Variants in MED12L observed in about 807,000 individuals in gnomAD.
MED12L encodes mediator complex subunit 12L, also known as mediator of RNA polymerase II transcription subunit 12-like protein.
Under a neutral mutation model 281.3 loss-of-function variants are expected in MED12L, and 60 were observed. That is an observed-to-expected ratio of 0.21 (90% confidence interval 0.17 to 0.26). The LOEUF (loss-of-function observed/expected upper bound fraction) is 0.26. Ranked by LOEUF, MED12L falls within the 10% of genes least tolerant of loss-of-function variation. MED12L has a pLI of 1.00. For missense variants in MED12L, 2,146 were observed against 2,680.9 expected (o/e 0.80, Z 4.41); for synonymous variants, 974 against 987.2 (o/e 0.99, Z 0.25).
At chr3:151,142,555 C>T (rs1186932314) in intron 5 of MED12L, among the ~76,000 whole-genome samples, 1 of 152,340 alleles carries the variant, frequency 6.6e-6, no homozygotes, top group Admixed American at 6.5e-5. Flanking sequence ...CTATCCCAGA[C>T]CCCTCCTTAC....
At chr3:151,173,641 A>G (rs1170968462) in intron 11 of MED12L, among the ~76,000 whole-genome samples, 2 of 152,236 alleles carry the variant, frequency 1.3e-5, no homozygotes, top group Non-Finnish European at 2.9e-5. Context: ...CCTTGGTAGG[A>G]TACCATAGAC....
intron 17 of MED12L, among the ~76,000 whole-genome samples, chr3:151,354,124 G>A (rs1753620775): frequency 9.1e-6 from 1 of 110,024 alleles, no homozygotes; most frequent in Non-Finnish European, 1.7e-5. Context: ...CTGGGCGACA[G>A]AGCGAGACTC....
At chr3:151,197,432 G>A (rs1275048165) in intron 16 of MED12L, among the ~76,000 whole-genome samples, 1 of 152,144 alleles carries the variant, frequency 6.6e-6, no homozygotes, top group Non-Finnish European at 1.5e-5. Flanking sequence ...AAGTGTGTGA[G>A]CCACCACGCC....
At chr3:151,306,157 A>G (rs9812617) in intron 16 of MED12L, among the ~76,000 whole-genome samples, 16,872 of 152,198 alleles carry the variant, frequency 0.11, 1,234 homozygotes, top group Middle Eastern at 0.17. Context: ...TTCTACTTTG[A>G]TTATAAATGT....
At chr3:151,108,613 G>T (rs533836448) in intron 2 of MED12L, among the ~76,000 whole-genome samples, 1 of 152,206 alleles carries the variant, frequency 6.6e-6, no homozygotes, top group Admixed American at 6.5e-5. Context: ...CTTGACTAGC[G>T]CATAGAGGGA....
intron 2 of MED12L, among the ~76,000 whole-genome samples, chr3:151,114,550 TAC>T (rs1325727156): frequency 6.6e-6 from 1 of 152,222 alleles, no homozygotes; most frequent in Non-Finnish European, 1.5e-5. Context: ...ATTCAGCAGT[TAC>T]ATAGAGGAAT....
At chr3:151,108,796 T>C (rs781575413) in intron 2 of MED12L, among the ~76,000 whole-genome samples, 19 of 152,174 alleles carry the variant, frequency 1.2e-4, no homozygotes, top group Non-Finnish European at 2.1e-4. Flanking sequence ...GTGTCTGTAG[T>C]ATGTATTTGT....
chr3:151,288,827 T>TA (rs375100391), intron 16 of MED12L, among the ~76,000 whole-genome samples: 1 of 6,142 alleles, frequency 1.6e-4, no homozygotes, highest in Admixed American at 2.1e-3. Context: ...CATAAAGCTA[T>TA]CAAACTTAAT....
chr3:151,429,605 T>C (rs1719245812), intron 43 of MED12L, among the ~76,000 whole-genome samples: 1 of 152,204 alleles, frequency 6.6e-6, no homozygotes, highest in Non-Finnish European at 1.5e-5. Context: ...TTTTCCTCTT[T>C]GGAATAACCA....
intron 2 of MED12L, among the ~76,000 whole-genome samples, chr3:151,106,314 C>T (rs1195061183): frequency 2.4e-4 from 11 of 46,068 alleles, no homozygotes; most frequent in African/African-American, 1.8e-3. Flanking sequence ...TCCTTCTCCC[C>T]TCCCCTCCCC....
At chr3:151,179,926 A>G (rs1394041519) in intron 11 of MED12L, among the ~76,000 whole-genome samples, 3 of 152,216 alleles carry the variant, frequency 2.0e-5, no homozygotes, top group African/African-American at 7.2e-5. Context: ...TAGGCGCAGA[A>G]GCTGTCTATT....
intron 8 of MED12L, 59 bp from the exon 9 acceptor site, chr3:151,163,834 G>T: frequency 3.3e-5 from 49 of 1,495,562 alleles, no homozygotes; most frequent in Middle Eastern, 1.9e-4. Context: ...TTACTGTTTA[G>T]CTATTGTTAT....
chr3:151,118,117 A>G (rs935265179), intron 3 of MED12L, among the ~76,000 whole-genome samples: 8 of 151,722 alleles, frequency 5.3e-5, no homozygotes, highest in African/African-American at 1.9e-4. Flanking sequence ...AGGAATGTAA[A>G]TAGAATTGTT....
intron 16 of MED12L, among the ~76,000 whole-genome samples, chr3:151,314,324 T>C (rs1747949818): frequency 1.3e-5 from 2 of 152,202 alleles, no homozygotes; most frequent in Non-Finnish European, 2.9e-5. Flanking sequence ...GTGTTTGCCA[T>C]ATAAGGAGGG....
At chr3:151,164,228 C>G (rs566292162) in intron 9 of MED12L, among the ~76,000 whole-genome samples, 186 bp downstream of exon 9, 1 of 152,332 alleles carries the variant, frequency 6.6e-6, no homozygotes, top group African/African-American at 2.4e-5. Flanking sequence ...CTCGAAGTTG[C>G]TCCCTTTCTT....
At chr3:151,265,993 C>G (rs1015320699) in intron 16 of MED12L, among the ~76,000 whole-genome samples, 1 of 152,186 alleles carries the variant, frequency 6.6e-6, no homozygotes. Context: ...TAATTGTTGT[C>G]TGTGCCTTCA....
intron 39 of MED12L, among the ~76,000 whole-genome samples, chr3:151,401,642 A>AGTC (rs1715696129): frequency 6.6e-6 from 1 of 152,230 alleles, no homozygotes; most frequent in Non-Finnish European, 1.5e-5. Flanking sequence ...TTCAAATGAT[A>AGTC]GTCTCATTTG....
At chr3:151,305,474 C>T (rs1746514909) in intron 16 of MED12L, among the ~76,000 whole-genome samples, 1 of 152,098 alleles carries the variant, frequency 6.6e-6, no homozygotes, top group Non-Finnish European at 1.5e-5. Context: ...TTCTCAGTTT[C>T]TCCTTGCTTT....
intron 16 of MED12L, chr3:151,294,485 A>T (rs1744785885): frequency 1.2e-6 from 2 of 1,614,096 alleles, no homozygotes; most frequent in South Asian, 2.2e-5. Context: ...AACAACCCTG[A>T]TGCTCTGGTT....
Sources: allele counts gnomAD v4.1 joint callset (sites outside exome capture counted in the v4.1 genomes callset), GRCh38; gene constraint gnomAD v4.1.1; transcripts MANE v1.5; gene names NCBI Gene and HGNC (gene_info 2026-07-23, HGNC 2026-07-21).